SCN4A: variants seen among roughly 807,000 people sequenced by gnomAD.
SCN4A encodes sodium voltage-gated channel alpha subunit 4.
A neutral mutation model predicts 162.0 loss-of-function variants in SCN4A; 83 were observed. The ratio of observed to expected loss-of-function variants is 0.51; its 90% CI spans 0.43 to 0.61. The LOEUF (loss-of-function observed/expected upper bound fraction) is 0.61. Ranked by LOEUF, SCN4A falls within the 20% of genes least tolerant of loss-of-function variation. The pLI, the probability that SCN4A is intolerant of heterozygous loss-of-function variation, is 0.00. For synonymous variants in SCN4A, 944 were observed against 985.1 expected, an observed-to-expected ratio of 0.96 and a Z score of 0.78; for missense variants, 2,196 against 2,462.5, an observed-to-expected ratio of 0.89 and a Z score of 2.29.
At chr17:63,966,657 G>T in intron 6 of SCN4A, 113 bp from the exon 7 acceptor site, 1 of 758,476 alleles carries the variant, frequency 1.3e-6, no homozygotes, top group Non-Finnish European at 2.3e-6. Context: ...TAAACCAAAC[G>T]GATGTTCCCT....
Position 63,941,071 on chromosome 17 carries a change from G to A in SCN4A, c.5211C>T (p.Ala1737=). ...AGCGCTGTAGCAGGTGCCGGCGGTA[G>A]GCCCTCTGGATCTTGATGGCGCACA... The part of the protein sequence containing the change: ...EEVCAIKIQR[A]YRRHLLQRSM... The change falls in exon 24 of 24, where the codon GCC becomes GCT. Residue 1737 remains alanine (A), a synonymous_variant. Transcript: ENST00000435607. The surrounding 1 kb of genome is among the most constrained non-coding windows in gnomAD (Gnocchi z 6.2). 3 of 1,614,012 alleles carry A rather than the reference G, an allele frequency of 1.9e-6. No individual in the cohort carries two copies. Among genetic ancestry groups the A allele is most frequent in the Non-Finnish European group, 2.5e-6 (3 of 1,179,880 alleles).
intron 8 of SCN4A, 92 bp downstream of exon 8, chr17:63,966,010 T>A: frequency 1.0e-6 from 1 of 966,862 alleles, no homozygotes; most frequent in Non-Finnish European, 1.6e-6. Flanking sequence ...GGGTTGGCCA[T>A]CCTGTGGTAG....
At position 63,941,899 on chromosome 17, in the gene SCN4A, C is replaced by T; in HGVS notation, c.4383G>A (p.Leu1461=). Residue 1461 remains leucine (L), a synonymous_variant, in exon 24 of 24, where the codon CTG becomes CTA. Coordinates refer to ENST00000435607, the MANE Select transcript of SCN4A (RefSeq NM_000334.4). The surrounding 1 kb of genome is among the most constrained non-coding windows in gnomAD (Gnocchi z 6.2). ...TCCGGATGCCCTTGGCCCCGCGGAT[C>T]AGCCGCAGGACACGCCCAATCCGCG... The part of the protein sequence containing the change: ...RLARIGRVLR[L]IRGAKGIRTL... 6.2e-7 allele frequency: 1 copy of T among 1,613,268 alleles called. No individual in the cohort carries two copies. The highest frequency in any genetic ancestry group is 8.5e-7 in the Non-Finnish European group (1 of 1,179,238).
At position 63,941,934 on chromosome 17, in the gene SCN4A, T is replaced by G; in HGVS notation, c.4348A>C (p.Ile1450Leu). 6.2e-7 allele frequency: 1 copy of G among 1,608,550 alleles called. No individual in the cohort carries two copies. The change falls in exon 24 of 24, where the codon ATC (isoleucine) becomes CTC (leucine). Residue 1450 changes from isoleucine (I) to leucine (L), a missense_variant. Ile to Leu is a conservative substitution (Grantham distance 5, BLOSUM62 2). Transcript: ENST00000435607. The surrounding 1 kb of genome is among the most constrained non-coding windows in gnomAD (Gnocchi z 6.2). The part of the protein sequence containing the change: ...YFVSPTLFRV[I>L]RLARIGRVLR... ...ACACGCCCAATCCGCGCCAGGCGGATCACACGGAACAGCGTGGGTGACACG... is the reference window on the plus strand; with the variant it reads ...ACACGCCCAATCCGCGCCAGGCGGAGCACACGGAACAGCGTGGGTGACACG...
chr17:63,969,593 G>A (rs971810330), intron 5 of SCN4A, among the ~76,000 whole-genome samples: 5 of 152,166 alleles, frequency 3.3e-5, no homozygotes, highest in East Asian at 1.9e-4. Context: ...CAGTCAGAGG[G>A]CTTTAGACTA....
Position 63,963,711 on chromosome 17 carries a change from T to C in SCN4A, c.1567A>G (p.Ser523Gly). The C allele has an allele frequency of 6.3e-7, 1 of 1,598,076 alleles. No homozygotes were observed. The highest frequency in any genetic ancestry group is 8.5e-7 in the Non-Finnish European group (1 of 1,171,742). The change falls in exon 10 of 24, where the codon AGC becomes GGC. Residue 523 changes from serine (S) to glycine (G), a missense_variant. Physicochemically the swap from Ser to Gly is moderately conservative, Grantham distance 56 (BLOSUM62 0). Coordinates refer to ENST00000435607, the MANE Select transcript of SCN4A (RefSeq NM_000334.4). ...GAGATGCCGCTGTCTCCGCTGCTGC[T>C]CTGCCTCGGGGCTCCCTTCTCCCCT... ...SQGEKGAPRQ[S>G]SSGDSGISDA... is the part of the protein sequence containing the mutation.
At chr17:63,962,264 C>T (rs1013793840) in intron 10 of SCN4A, among the ~76,000 whole-genome samples, 4 of 152,208 alleles carry the variant, frequency 2.6e-5, no homozygotes, top group Non-Finnish European at 4.4e-5. Context: ...GCTAGTGCAA[C>T]TCTGCACAGA....
chr17:63,948,717 C>T lies in SCN4A; in HGVS notation c.3038G>A (p.Arg1013His), dbSNP rs578232775. Residue 1013 changes from arginine to histidine, a missense_variant, in exon 16 of 24, where the codon CGT (arginine) becomes CAT (histidine). By Grantham distance (29) the Arg-to-His change is conservative. Transcript: ENST00000435607. ...GCGCAGAGTCCACCACTTCTTCCCA[C>T]GGCCCTGGGAGATGTCCACGTAGAG... ...PCLYVDISQGRGKKWWTLRRA... is the reference protein window; with the variant it reads ...PCLYVDISQGHGKKWWTLRRA... 68 of 1,613,170 alleles carry T rather than the reference C, an allele frequency of 4.2e-5. No individual in the cohort carries two copies. Among genetic ancestry groups the T allele is most frequent in the Non-Finnish European group, 5.3e-5 (63 of 1,179,586 alleles).
chr17:63,971,929 G>A lies in SCN4A; in HGVS notation c.483-79C>T, dbSNP rs1909623874. ...GTGGCAACGACAGACCCCCAGAAGG[G>A]AGGGACACAGAAATGAAATATGCCA... On this transcript the variant is annotated intron_variant, in intron 3 of 23. Transcript: ENST00000435607. 6.8e-6 allele frequency: 10 copies of A among 1,473,844 alleles called. No individual in the cohort carries two copies. The South Asian group carries it at 6.9e-5, about 10-fold the overall frequency. 91.3% of individuals were successfully genotyped at this position (1,473,844 alleles called of 1,614,324 possible).
intron 18 of SCN4A, among the ~76,000 whole-genome samples, chr17:63,946,283 G>A (rs1567818362): frequency 6.6e-6 from 1 of 152,166 alleles, no homozygotes; most frequent in Non-Finnish European, 1.5e-5. Context: ...TCCCCTCAAC[G>A]GGAGGGCTCC....
intron 13 of SCN4A, among the ~76,000 whole-genome samples, chr17:63,952,518 G>A (rs1037098729): frequency 1.3e-5 from 2 of 152,062 alleles, no homozygotes; most frequent in South Asian, 2.1e-4. Flanking sequence ...GGCTCAAGTC[G>A]CCGAGCTTCC....
rs1274853124 is a variant in SCN4A, at chr17:63,961,217, G to A, written c.1821C>T (p.Asp607=). 1 of 1,491,510 alleles carries A rather than the reference G, an allele frequency of 6.7e-7. No homozygotes were observed. Among genetic ancestry groups the A allele is most frequent in the Non-Finnish European group, 9.1e-7 (1 of 1,094,160 alleles). 92.4% of individuals were successfully genotyped at this position (1,491,510 alleles called of 1,614,324 possible). Residue 607 remains aspartate, a synonymous_variant, in exon 11 of 24, where the codon GAC becomes GAT. Coordinates refer to ENST00000435607, the MANE Select transcript of SCN4A (RefSeq NM_000334.4). ...CCAGGTTGCCCACAGTGAGCACGTT[G>A]TCAAAGTGCTCCGTCATGGGGTAAT... ...MEHYPMTEHF[D]NVLTVGNLVF...
chr17:63,961,551 C>A, intron 10 of SCN4A, 120 bp from the exon 11 acceptor site: 1 of 729,464 alleles, frequency 1.4e-6, no homozygotes, highest in South Asian at 1.6e-5. Flanking sequence ...CATCTCAACC[C>A]TCTAGCAAGG....
intron 10 of SCN4A, chr17:63,961,665 C>T: frequency 1.9e-6 from 1 of 517,614 alleles, no homozygotes; most frequent in Non-Finnish European, 3.5e-6. Context: ...CTGAGCGCGG[C>T]CGGCTCCAAG....
rs776556307 is a variant in SCN4A at position 63,945,069 on chromosome 17, G to T, written c.3721-9C>A. On this transcript the variant is annotated splice_polypyrimidine_tract_variant and intron_variant, in intron 19 of 23. Transcript: ENST00000435607. The surrounding 1 kb of genome is among the most constrained non-coding windows in gnomAD (Gnocchi z 4.4). Reference sequence around the variant, plus strand: ...CAACCCTTGAAGGTGGCCTGAGAGAGTGTGGTTGGGGAGTGAGCCGGGGGG... The same window carrying T: ...CAACCCTTGAAGGTGGCCTGAGAGATTGTGGTTGGGGAGTGAGCCGGGGGG... 4 of 1,613,252 alleles carry T rather than the reference G, an allele frequency of 2.5e-6. No homozygotes were observed. The South Asian group carries it at 4.4e-5, about 18-fold the overall frequency.
chr17:63,972,759 A>G lies in SCN4A; in HGVS notation c.83T>C (p.Ile28Thr), dbSNP rs748862924. The G allele has an allele frequency of 3.1e-6, 5 of 1,613,592 alleles. No homozygotes were observed. Among genetic ancestry groups the G allele is most frequent in the East Asian group, 2.2e-5 (1 of 44,866 alleles). Residue 28 changes from isoleucine (I) to threonine (T), a missense_variant, in exon 1 of 24, where the codon ATA becomes ACA. Coordinates refer to ENST00000435607, the MANE Select transcript of SCN4A (RefSeq NM_000334.4). The surrounding 1 kb of genome is among the most constrained non-coding windows in gnomAD (Gnocchi z 4.3). The stretch of plus-strand genomic sequence containing the variant: ...CTCCTCCTCCACCGCCCGCTGTTCT[A>G]TGGCTGCCAGTGACTCCCGGGTGAA... ...RPFTRESLAA[I>T]EQRAVEEEAR...
rs746340600 is a variant in SCN4A, at chr17:63,945,133, C to G, written c.3721-73G>C. Reference sequence around the variant, plus strand: ...TCATCATCCATGAGTTTCCCTCCCCCACCCAACCTGGTCCTCCCCTGCCAG... The same window carrying G: ...TCATCATCCATGAGTTTCCCTCCCCGACCCAACCTGGTCCTCCCCTGCCAG... On this transcript the variant is annotated intron_variant, in intron 19 of 23. Transcript: ENST00000435607. The surrounding 1 kb of genome is among the most constrained non-coding windows in gnomAD (Gnocchi z 4.4). 9.3e-6 allele frequency: 14 copies of G among 1,499,254 alleles called. No homozygotes were observed. The highest frequency in any genetic ancestry group is 3.5e-5 in the South Asian group (3 of 85,244). 92.9% of individuals were successfully genotyped at this position (1,499,254 alleles called of 1,614,324 possible). A position where few individuals can be genotyped will look rare whatever the true frequency, so the allele number is the denominator to read the frequency against.
At position 63,947,931 on chromosome 17, in the gene SCN4A, A is replaced by C. The variant is rs1908778869; in HGVS notation, c.3277T>G (p.Phe1093Val). 1 of 1,613,742 alleles carries C rather than the reference A, an allele frequency of 6.2e-7. No individual in the cohort carries two copies. Among genetic ancestry groups the C allele is most frequent in the Admixed American group, 1.7e-5 (1 of 59,956 alleles). Residue 1093 changes from phenylalanine (F) to valine (V), a missense_variant, in exon 17 of 24, where the codon TTC becomes GTC. Physicochemically the swap from Phe to Val is conservative, Grantham distance 50. Transcript: ENST00000435607. ...KWVAYGFKVY[F>V]TNAWCWLDFL... ...TCGAGCCAGCACCAGGCGTTGGTGA[A>C]GTACACCTTAAAGCCGTAGGCCACC...
At chr17:63,965,969 C>A (rs547792202) in intron 8 of SCN4A, 133 bp downstream of exon 8, 2 of 660,728 alleles carry the variant, frequency 3.0e-6, no homozygotes, top group Non-Finnish European at 5.4e-6. Context: ...AAGGGCACTG[C>A]GGGAGTCCAT....
Sources: gnomAD v4.1 joint callset for allele counts (sites outside exome capture counted in the v4.1 genomes callset) on GRCh38, gnomAD v4.1.1 for gene constraint, Gnocchi (gnomAD v3.1) non-coding constraint, MANE v1.5 for transcripts, NCBI Gene and HGNC (gene_info 2026-07-23, HGNC 2026-07-21) for gene names.